The following PRKCA variants were observed in gnomAD, a reference collection of about 807,000 sequenced individuals.
PRKCA encodes the protein protein kinase C alpha type.
A neutral mutation model predicts 87.0 loss-of-function variants in PRKCA; 27 were observed. The ratio of observed to expected loss-of-function variants is 0.31; its 90% confidence interval spans 0.23 to 0.43. The LOEUF is 0.43. Among genes scored for constraint, PRKCA ranks in the 20% least tolerant of loss-of-function variants. The pLI is 1.00. For synonymous variants in PRKCA, 329 were observed against 311.1 expected (o/e 1.06, Z -0.61); for missense variants, 518 against 852.3 (o/e 0.61, Z 4.88).
rs188197639 is a variant in PRKCA at position 66,750,704 on chromosome 17, C to T, written c.1524+7944C>T. On this transcript the variant is annotated intron_variant, in intron 13 of 16. Coordinates refer to ENST00000413366, the MANE Select transcript of PRKCA (RefSeq NM_002737.3). ...GCTCCTGGTGGATTCGCTGCCCCTT[C>T]GCAAATGCCTGCTACATCCCAGACC... 1.7e-3 allele frequency among the ~76,000 whole-genome samples: 259 copies of T among 152,324 alleles called. 1 individual carries two copies. Among genetic ancestry groups the T allele is most frequent in the African/African-American group, 6.0e-3 (250 of 41,584 alleles).
At chr17:66,790,707 A>G (rs768582627) in intron 16 of PRKCA, among the ~76,000 whole-genome samples, 17 of 152,318 alleles carry the variant, frequency 1.1e-4, no homozygotes, top group Middle Eastern at 3.4e-3. Context: ...CCAGAAAGCG[A>G]TGAGTTGCAG....
chr17:66,501,968 C>T (rs1916752865), intron 3 of PRKCA, among the ~76,000 whole-genome samples: 1 of 152,170 alleles, frequency 6.6e-6, no homozygotes, highest in Admixed American at 6.5e-5. Flanking sequence ...TCAGGAAGGG[C>T]TAGTGGTGTG....
chr17:66,484,356 T>C (rs1319249454), intron 2 of PRKCA, among the ~76,000 whole-genome samples: 1 of 152,180 alleles, frequency 6.6e-6, no homozygotes, highest in Non-Finnish European at 1.5e-5. Context: ...ACATTTTTAT[T>C]TGCCAATTCT....
At chr17:66,722,874 C>T (rs1018243899) in intron 8 of PRKCA, among the ~76,000 whole-genome samples, 4 of 152,224 alleles carry the variant, frequency 2.6e-5, no homozygotes, top group East Asian at 1.9e-4. Context: ...TTTAATGTCA[C>T]TTCATTCTAT....
intron 5 of PRKCA, among the ~76,000 whole-genome samples, chr17:66,658,125 C>T (rs746059383): frequency 6.6e-6 from 1 of 152,124 alleles, no homozygotes; most frequent in African/African-American, 2.4e-5. Flanking sequence ...TCCTTCTTCA[C>T]GTGGCGGCAG....
chr17:66,562,289 A>C (rs933208958), intron 3 of PRKCA, among the ~76,000 whole-genome samples: 1 of 150,050 alleles, frequency 6.7e-6, no homozygotes, highest in Non-Finnish European at 1.5e-5. Context: ...GAATAGAGGT[A>C]TCTGTAGGAG....
rs1306991453 is a variant in PRKCA, at chr17:66,803,542, G to A, written c.1855-331G>A. Among the ~76,000 whole-genome samples, 2 of 152,234 alleles carry A rather than the reference G, an allele frequency of 1.3e-5. No homozygotes were observed. Among genetic ancestry groups the A allele is most frequent in the African/African-American group, 2.4e-5 (1 of 41,466 alleles). On this transcript the variant is annotated intron_variant, in intron 16 of 16. Transcript: ENST00000413366. The surrounding 1 kb of genome is among the most constrained non-coding windows in gnomAD (Gnocchi z 4.4). ...GGAGCTGTGACTGACGGCCCTGCGTGCGTGGCTTCCGTGCTCTCAGCTCCG... is the reference window on the plus strand; with the variant it reads ...GGAGCTGTGACTGACGGCCCTGCGTACGTGGCTTCCGTGCTCTCAGCTCCG...
chr17:66,316,650 A>G (rs1434485596), intron 2 of PRKCA, among the ~76,000 whole-genome samples: 2 of 152,108 alleles, frequency 1.3e-5, no homozygotes, highest in Non-Finnish European at 2.9e-5. Context: ...CTGGTTTAAA[A>G]AGTGTGCTAC....
rs543003352 is a variant in PRKCA, at chr17:66,767,369, C to T, written c.1525-6618C>T. On this transcript the variant is annotated intron_variant, in intron 13 of 16. Coordinates refer to ENST00000413366, the MANE Select transcript of PRKCA (RefSeq NM_002737.3). ...ACTTACTGCTGGTACGGAGTGAAGA[C>T]GGACTGTAATAACAACTCTGCATCA... Among the ~76,000 whole-genome samples the T allele has an allele frequency of 2.8e-4, 43 of 152,210 alleles. No individual in the cohort carries two copies. The South Asian group carries it at 6.0e-3, about 21-fold the overall frequency.
At chr17:66,351,915 G>A (rs967592967) in intron 2 of PRKCA, among the ~76,000 whole-genome samples, 8 of 152,068 alleles carry the variant, frequency 5.3e-5, no homozygotes, top group African/African-American at 9.7e-5. Flanking sequence ...TATCAGATTC[G>A]TTCTCTGTGG....
intron 4 of PRKCA, among the ~76,000 whole-genome samples, chr17:66,642,158 C>T (rs978103945): frequency 6.6e-6 from 1 of 151,288 alleles, no homozygotes; most frequent in Non-Finnish European, 1.5e-5. Flanking sequence ...GAGACGGAGT[C>T]TCACTCTGTC....
At chr17:66,772,214 T>C (rs953260487) in intron 13 of PRKCA, among the ~76,000 whole-genome samples, 2 of 152,148 alleles carry the variant, frequency 1.3e-5, no homozygotes, top group African/African-American at 4.8e-5. Flanking sequence ...TATGTGTGTA[T>C]TTTCCAAGTT....
chr17:66,705,022 G>A (rs1973156604), intron 8 of PRKCA, among the ~76,000 whole-genome samples: 1 of 152,136 alleles, frequency 6.6e-6, no homozygotes, highest in Non-Finnish European at 1.5e-5. Flanking sequence ...GATCTGATCA[G>A]CCCTGCCACG....
chr17:66,567,815 C>T (rs958565269), intron 3 of PRKCA, among the ~76,000 whole-genome samples: 7 of 152,098 alleles, frequency 4.6e-5, no homozygotes, highest in Admixed American at 1.3e-4. Flanking sequence ...TTGAAAAATT[C>T]CTATAAGTGA....
intron 2 of PRKCA, among the ~76,000 whole-genome samples, chr17:66,437,224 G>A (rs572139637): frequency 3.3e-5 from 5 of 152,288 alleles, no homozygotes; most frequent in African/African-American, 1.2e-4. Flanking sequence ...CAGGTGGAGA[G>A]GACCTTTTTT....
intron 3 of PRKCA, among the ~76,000 whole-genome samples, chr17:66,539,407 CT>C (rs961589508): frequency 2.5e-3 from 352 of 143,190 alleles, no homozygotes; most frequent in Middle Eastern, 3.6e-3. Context: ...GCTTTGAAAT[CT>C]TTTTTTTTTT....
chr17:66,362,154 G>T (rs968284679), intron 2 of PRKCA, among the ~76,000 whole-genome samples: 2 of 152,138 alleles, frequency 1.3e-5, no homozygotes, highest in Admixed American at 1.3e-4. Context: ...TCCTGCCTCA[G>T]TCTCCTGAGT....
chr17:66,548,852 G>A (rs1384210001), intron 3 of PRKCA, among the ~76,000 whole-genome samples: 1 of 151,876 alleles, frequency 6.6e-6, no homozygotes, highest in East Asian at 1.9e-4. Context: ...TGCCCAGGCT[G>A]GAGTGTAGTG....
intron 3 of PRKCA, chr17:66,638,200 A>G (rs1695135253): frequency 6.6e-6 from 1 of 152,070 alleles, no homozygotes; most frequent in Non-Finnish European, 1.5e-5. Context: ...ATTGAGAGCC[A>G]GATCCTCATT....
Sources: allele counts gnomAD v4.1 joint callset (sites outside exome capture counted in the v4.1 genomes callset), GRCh38; gene constraint gnomAD v4.1.1; non-coding constraint Gnocchi (gnomAD v3.1); transcripts MANE v1.5; gene names NCBI Gene and HGNC (gene_info 2026-07-23, HGNC 2026-07-21).